Variants in HECTD4 observed in about 807,000 individuals in gnomAD.
HECTD4 encodes the protein probable E3 ubiquitin-protein ligase HECTD4.
A neutral mutation model predicts 471.5 loss-of-function variants in HECTD4; 114 were observed. The observed-to-expected ratio is 0.24, with a 90% CI of 0.21 to 0.28. The LOEUF is 0.28. Among genes scored for constraint, HECTD4 ranks in the 10% least tolerant of loss-of-function variants. The pLI is 1.00. For missense variants in HECTD4, 3,866 were observed against 5,651.5 expected (o/e 0.68, Z 10.13); for synonymous variants, 2,012 against 2,256.0 (o/e 0.89, Z 3.07).
At chr12:112,264,979 G>T (rs564514413) in intron 16 of HECTD4, among the ~76,000 whole-genome samples, 196 bp downstream of exon 16, 40 of 152,296 alleles carry the variant, frequency 2.6e-4, no homozygotes, top group African/African-American at 9.4e-4. Flanking sequence ...TGGTCAGACT[G>T]GTCTTGAACT....
chr12:112,191,731 A>G (rs572933369), intron 59 of HECTD4, among the ~76,000 whole-genome samples: 5 of 152,352 alleles, frequency 3.3e-5, no homozygotes, highest in African/African-American at 1.2e-4. Flanking sequence ...GAAAAATACT[A>G]TGAAAAACAG....
At chr12:112,379,555 A>G (rs1303958429) in intron 1 of HECTD4, among the ~76,000 whole-genome samples, 1 of 152,000 alleles carries the variant, frequency 6.6e-6, no homozygotes, top group Non-Finnish European at 1.5e-5. Context: ...TTAGCCCGGC[A>G]TGGTGGTGTA....
rs748728633 is a variant in HECTD4 at position 112,210,257 on chromosome 12, A to G, written c.7630-5T>C. On this transcript the variant is annotated splice_polypyrimidine_tract_variant and splice_region_variant and intron_variant, in intron 49 of 75. Transcript: ENST00000682272. ...GTTAGCTCGGGTTTTGGTGTTCTGG[A>G]AAGGAGACCAAATGAAGGATTTGGA... is the stretch of plus-strand genomic sequence containing the variant. The G allele has an allele frequency of 1.2e-6, 2 of 1,611,530 alleles. No individual in the cohort carries two copies. Among genetic ancestry groups the G allele is most frequent in the South Asian group, 2.2e-5 (2 of 91,052 alleles).
chr12:112,256,040 A>G lies in HECTD4; in HGVS notation c.3327+280T>C, dbSNP rs573682564. Among the ~76,000 whole-genome samples, 3 of 152,294 alleles carry G rather than the reference A, an allele frequency of 2.0e-5. No homozygotes were observed. In the South Asian group the frequency reaches 6.2e-4, roughly 32 times the overall value. ...CAGGGGGTAAGCAGAATGAAAAGGAACATTTCCTTCCTCTCATATATCTAA... is the reference window on the plus strand; with the variant it reads ...CAGGGGGTAAGCAGAATGAAAAGGAGCATTTCCTTCCTCTCATATATCTAA... On this transcript the variant is annotated intron_variant, in intron 21 of 75. Coordinates refer to ENST00000682272, the MANE Select transcript of HECTD4 (RefSeq NM_001388303.1).
rs371502582 is a variant in HECTD4 at position 112,184,250 on chromosome 12, T to C, written c.10716A>G (p.Thr3572=). 725 of 1,613,546 alleles carry C rather than the reference T, an allele frequency of 4.5e-4. 5 individuals carry two copies. In the African/African-American group the frequency reaches 7.7e-3, roughly 17 times the overall value. ...GGGGCTGGTTGTCCAGGGAAGTGAC[T>C]GTGTACATGGAGCCCATGTCCGACA... The part of the protein sequence containing the change: ...ASVSDMGSMY[T]VTSLDNQPLA... Residue 3572 remains threonine (T), a synonymous_variant, in exon 61 of 76, where the codon ACA becomes ACG. Coordinates refer to ENST00000682272, the MANE Select transcript of HECTD4 (RefSeq NM_001388303.1). The surrounding 1 kb of genome is among the most constrained non-coding windows in gnomAD (Gnocchi z 9.1).
intron 1 of HECTD4, among the ~76,000 whole-genome samples, chr12:112,362,936 A>G (rs1214990881): frequency 1.3e-5 from 2 of 152,094 alleles, no homozygotes; most frequent in Non-Finnish European, 2.9e-5. Flanking sequence ...TCCCGACCTC[A>G]TGTGGTCCAA....
Position 112,382,306 on chromosome 12 carries a change from C to T in HECTD4, c.-178G>A, listed in dbSNP as rs1206428787. ...GTCCGAGTCGCCATACCCCCGACCCCGGCCCGGGAGACCCCGGCCCTGCCG... is the reference window on the plus strand; with the variant it reads ...GTCCGAGTCGCCATACCCCCGACCCTGGCCCGGGAGACCCCGGCCCTGCCG... On this transcript the variant is annotated 5_prime_UTR_variant, in exon 1 of 76. Coordinates refer to ENST00000682272, the MANE Select transcript of HECTD4 (RefSeq NM_001388303.1). 2 of 514,476 alleles carry T rather than the reference C, an allele frequency of 3.9e-6. No homozygotes were observed. The highest frequency in any genetic ancestry group is 4.7e-5 in the Admixed American group (1 of 21,248). The allele number at this position is 514,476 out of a possible 1,614,324, so 31.9% of individuals were successfully genotyped here.
At position 112,284,041 on chromosome 12, in the gene HECTD4, C is replaced by T. The variant is rs574179557; in HGVS notation, c.1336-739G>A. On this transcript the variant is annotated intron_variant, in intron 7 of 75. Transcript: ENST00000682272. ...ACTTACTATAAGCTTCTCCTACTCACGTCTCTTCCAACTTAAGAATCTTGG... is the reference window on the plus strand; with the variant it reads ...ACTTACTATAAGCTTCTCCTACTCATGTCTCTTCCAACTTAAGAATCTTGG... 2.6e-5 allele frequency among the ~76,000 whole-genome samples: 4 copies of T among 151,630 alleles called. No homozygotes were observed. In the South Asian group the frequency reaches 6.3e-4, roughly 24 times the overall value.
intron 9 of HECTD4, among the ~76,000 whole-genome samples, chr12:112,276,799 A>G (rs1444289630): frequency 6.6e-6 from 1 of 152,246 alleles, no homozygotes; most frequent in African/African-American, 2.4e-5. Context: ...TATTCCTCCA[A>G]AGAAGGTATA....
intron 1 of HECTD4, among the ~76,000 whole-genome samples, chr12:112,380,520 CAA>C (rs2036867454): frequency 6.6e-6 from 1 of 152,086 alleles, no homozygotes; most frequent in East Asian, 1.9e-4. Context: ...CCAATTAAAT[CAA>C]AAGATTCCAC....
In HECTD4 at chr12:112,164,265, T is replaced by A; in HGVS notation, c.12545A>T (p.Glu4182Val). 6.2e-7 allele frequency: 1 copy of A among 1,612,616 alleles called. No homozygotes were observed. Among genetic ancestry groups the A allele is most frequent in the Non-Finnish European group, 8.5e-7 (1 of 1,179,152 alleles). Reference sequence around the variant, plus strand: ...AGCGCACAGGGCCTCCAGCTCGGTCTCATCATTGATCTGGAGGGTGGAGGC... The same window carrying A: ...AGCGCACAGGGCCTCCAGCTCGGTCACATCATTGATCTGGAGGGTGGAGGC... Reference protein sequence around the residue: ...YVKKFESINDETELEALCAEI... With the variant: ...YVKKFESINDVTELEALCAEI... The change falls in exon 73 of 76, where the codon GAG (glutamate) becomes GTG (valine). Residue 4182 changes from glutamate to valine, a missense_variant. Coordinates refer to ENST00000682272, the MANE Select transcript of HECTD4 (RefSeq NM_001388303.1).
In HECTD4 at chr12:112,309,619, T is replaced by C. The variant is rs2035334196; in HGVS notation, c.967A>G (p.Thr323Ala). ...CTTACTCCTCTTCCAACTGAGTTAG[T>C]AGTATACAGGTAAAGACCATCTGCC... ...LTADGLYLYT[T>A]NSVGRGVSKL... The change falls in exon 5 of 76, where the codon ACT becomes GCT. Residue 323 changes from threonine (T) to alanine (A), a missense_variant. Around this residue, in one of 16 missense-constraint regions of HECTD4, gnomAD observed 440 missense variants for 636.0 expected, o/e 0.69. Transcript: ENST00000682272. The C allele has an allele frequency of 6.5e-7, 1 of 1,535,696 alleles. No homozygotes were observed. The highest frequency in any genetic ancestry group is 8.7e-7 in the Non-Finnish European group (1 of 1,145,746).
At chr12:112,301,219 G>C (rs932282690) in intron 7 of HECTD4, among the ~76,000 whole-genome samples, 5 of 148,372 alleles carry the variant, frequency 3.4e-5, no homozygotes, top group Non-Finnish European at 1.5e-5. Flanking sequence ...GTCTTGCCCT[G>C]TTGCCCAGGC....
At position 112,179,307 on chromosome 12, in the gene HECTD4, G is replaced by A. The variant is rs1036172260; in HGVS notation, c.11078C>T (p.Ala3693Val). ...HSEQTLSLTPAKPIRVSDIYL... is the reference protein window; with the variant it reads ...HSEQTLSLTPVKPIRVSDIYL... ...AATGTCAGAGACTCTGATGGGCTTC[G>A]CTGGTGTCAGGCTCAGCGTCTGCTC... The change falls in exon 63 of 76, where the codon GCG becomes GTG. Residue 3693 changes from alanine to valine, a missense_variant. By Grantham distance (64) the Ala-to-Val change is moderately conservative. Coordinates refer to ENST00000682272, the MANE Select transcript of HECTD4 (RefSeq NM_001388303.1). This position sits in a 1 kb window ranked among gnomAD's most constrained non-coding sequence, Gnocchi z 4.3. 1.9e-6 allele frequency: 3 copies of A among 1,613,278 alleles called. No individual in the cohort carries two copies. The highest frequency in any genetic ancestry group is 2.2e-5 in the South Asian group (2 of 90,836).
At chr12:112,334,637 C>CAAAAAAAAAAAAAA (rs869292531) in intron 1 of HECTD4, among the ~76,000 whole-genome samples, 3 of 45,258 alleles carry the variant, frequency 6.6e-5, no homozygotes, top group Non-Finnish European at 1.3e-4. Flanking sequence ...ACTAAAAATA[C>CAAAAAAAAAAAAAA]AAAAAAAAAA....
chr12:112,257,040 G>C (rs1454149918), intron 20 of HECTD4, among the ~76,000 whole-genome samples: 2 of 152,048 alleles, frequency 1.3e-5, no homozygotes, highest in African/African-American at 4.8e-5. Context: ...GCCTTCAAAG[G>C]TTCTCTTACC....
At chr12:112,281,916 A>G (rs539753840) in intron 8 of HECTD4, among the ~76,000 whole-genome samples, 5 of 152,298 alleles carry the variant, frequency 3.3e-5, no homozygotes. Context: ...TTGGTATGTA[A>G]TCTGTAAACT....
intron 18 of HECTD4, among the ~76,000 whole-genome samples, chr12:112,260,938 G>A (rs1191415181): frequency 6.6e-6 from 1 of 152,114 alleles, no homozygotes; most frequent in Non-Finnish European, 1.5e-5. Context: ...GTAGCAGTTG[G>A]TAAGTCACTT....
intron 68 of HECTD4, 31 bp downstream of exon 68, chr12:112,171,086 C>T (rs2031199083): frequency 1.3e-6 from 2 of 1,581,896 alleles, no homozygotes; most frequent in Middle Eastern, 1.7e-4. Flanking sequence ...CTCTCTCTTC[C>T]TGCAGGGCCA....
Sources: allele counts gnomAD v4.1 joint callset (sites outside exome capture counted in the v4.1 genomes callset), GRCh38; gene constraint gnomAD v4.1.1; regional missense constraint gnomAD v4.1.1; non-coding constraint Gnocchi (gnomAD v3.1); transcripts MANE v1.5; gene names NCBI Gene and HGNC (gene_info 2026-07-23, HGNC 2026-07-21).